ARHGAP35: variants seen among roughly 807,000 people sequenced by gnomAD.
ARHGAP35 encodes the protein rho GTPase-activating protein 35.
ARHGAP35 carries 15 observed loss-of-function variants against 111.1 expected under a neutral mutation model. The observed-to-expected ratio is 0.13, with a 90% CI of 0.09 to 0.21. ARHGAP35 has a LOEUF of 0.21. Ranked by LOEUF, ARHGAP35 falls within the 10% of genes least tolerant of loss-of-function variation. ARHGAP35 has a pLI of 1.00. For missense variants in ARHGAP35, 1,262 were observed against 1,873.0 expected (o/e 0.67, Z 6.02); for synonymous variants, 643 against 710.3 (o/e 0.91, Z 1.51).
At chr19:46,865,469 T>C (rs1016155259) in intron 1 of ARHGAP35, among the ~76,000 whole-genome samples, 3 of 152,162 alleles carry the variant, frequency 2.0e-5, no homozygotes, top group Admixed American at 1.3e-4. Flanking sequence ...CTCATTCTTA[T>C]TGATCCAGAA....
At chr19:46,946,962 G>A (rs2056383582) in intron 3 of ARHGAP35, 1 of 152,210 alleles carries the variant, frequency 6.6e-6, no homozygotes, top group Non-Finnish European at 1.5e-5. Flanking sequence ...TTAGGAGACT[G>A]TAATGTAAAT....
At chr19:46,887,977 A>G (rs2056000834) in intron 1 of ARHGAP35, among the ~76,000 whole-genome samples, 1 of 143,076 alleles carries the variant, frequency 7.0e-6, no homozygotes, top group East Asian at 2.1e-4. Context: ...TCTGAGACGG[A>G]GTCTTGCTCT....
At chr19:46,876,848 A>G (rs988732350) in intron 1 of ARHGAP35, among the ~76,000 whole-genome samples, 1 of 152,228 alleles carries the variant, frequency 6.6e-6, no homozygotes, top group Non-Finnish European at 1.5e-5. Flanking sequence ...GAAAATAAAT[A>G]CAGGCATAAC....
In ARHGAP35 at chr19:47,000,032, G is replaced by T. The variant is rs894546654; in HGVS notation, c.4143-299G>T. Among the ~76,000 whole-genome samples, 29 of 152,270 alleles carry T rather than the reference G, an allele frequency of 1.9e-4. No individual in the cohort carries two copies. The highest frequency in any genetic ancestry group is 6.7e-4 in the African/African-American group (28 of 41,568). Reference sequence around the variant, plus strand: ...CCTCCCTCGTCACAGCCGGAGCACCGCCACTGCTTTGGCTGGCTGCAGAGT... The same window carrying T: ...CCTCCCTCGTCACAGCCGGAGCACCTCCACTGCTTTGGCTGGCTGCAGAGT... On this transcript the variant is annotated intron_variant, in intron 6 of 6. Coordinates refer to ENST00000672722, the MANE Select transcript of ARHGAP35 (RefSeq NM_004491.5). The surrounding 1 kb of genome is among the most constrained non-coding windows in gnomAD (Gnocchi z 6.9).
Position 46,930,465 on chromosome 19 carries a change from G to GA in ARHGAP35, c.3682-6784dup, listed in dbSNP as rs34807261. Among the ~76,000 whole-genome samples, 731 of 93,240 alleles carry GA rather than the reference G, an allele frequency of 7.8e-3. 3 individuals are homozygous for GA. The highest frequency in any genetic ancestry group is 0.013 in the African/African-American group (331 of 24,754). The allele number at this position is 93,240 out of a possible 152,430, so 61.2% of individuals were successfully genotyped here. ...ACTAGGGCTGGTGTCCAGGCACTTT[G>GA]AAAAAAAAAAAAAAAGACAAAAAAA... On this transcript the variant is annotated intron_variant, in intron 2 of 6. Coordinates refer to ENST00000672722, the MANE Select transcript of ARHGAP35 (RefSeq NM_004491.5).
intron 3 of ARHGAP35, among the ~76,000 whole-genome samples, chr19:46,954,352 G>C (rs1223991542): frequency 1.3e-5 from 2 of 152,322 alleles, no homozygotes; most frequent in African/African-American, 4.8e-5. Flanking sequence ...ATGGGACCTG[G>C]CTCTCCAGAG....
Position 46,969,548 on chromosome 19 carries a change from C to T in ARHGAP35, c.3827-18441C>T, listed in dbSNP as rs573124520. ...CTCAGGAGCAACCAGGGATGGGAGA[C>T]AGCACTAGTGTCTTCGGTGAACGTC... On this transcript the variant is annotated intron_variant, in intron 3 of 6. Coordinates refer to ENST00000672722, the MANE Select transcript of ARHGAP35 (RefSeq NM_004491.5). 1.5e-3 allele frequency among the ~76,000 whole-genome samples: 223 copies of T among 152,278 alleles called. 1 individual carries two copies. Among genetic ancestry groups the T allele is most frequent in the African/African-American group, 5.1e-3 (211 of 41,562 alleles).
intron 1 of ARHGAP35, among the ~76,000 whole-genome samples, chr19:46,877,231 A>G (rs2055928968): frequency 7.9e-6 from 1 of 127,060 alleles, no homozygotes. Flanking sequence ...CAGCCTGGGT[A>G]GCGAGTAAAA....
intron 2 of ARHGAP35, among the ~76,000 whole-genome samples, chr19:46,923,941 GA>G (rs950089518): frequency 9.3e-5 from 14 of 150,426 alleles, no homozygotes; most frequent in African/African-American, 3.4e-4. Flanking sequence ...AAGGAAAAAG[GA>G]AAAAAAATGT....
At chr19:46,941,439 G>A (rs2056346512) in intron 3 of ARHGAP35, among the ~76,000 whole-genome samples, 2 of 151,868 alleles carry the variant, frequency 1.3e-5, no homozygotes, top group Admixed American at 1.3e-4. Context: ...ATGGTGGCAC[G>A]CATCTGTGGT....
At chr19:46,972,663 T>C (rs571713539) in intron 3 of ARHGAP35, among the ~76,000 whole-genome samples, 4 of 152,200 alleles carry the variant, frequency 2.6e-5, no homozygotes, top group African/African-American at 9.6e-5. Flanking sequence ...CTTGCACATA[T>C]TAAAAGAGAT....
intron 3 of ARHGAP35, among the ~76,000 whole-genome samples, chr19:46,967,234 GGAA>G (rs2056520780): frequency 6.6e-6 from 1 of 152,006 alleles, no homozygotes; most frequent in Non-Finnish European, 1.5e-5. Flanking sequence ...GATTTCATTT[GGAA>G]GAAGGATTTT....
chr19:46,864,013 T>A (rs916197715), intron 1 of ARHGAP35, among the ~76,000 whole-genome samples: 2 of 152,236 alleles, frequency 1.3e-5, no homozygotes, highest in Non-Finnish European at 2.9e-5. Flanking sequence ...AGGCACTCCC[T>A]GCCACAGGAG....
chr19:46,863,940 T>G (rs1249322070), intron 1 of ARHGAP35, among the ~76,000 whole-genome samples: 1 of 152,208 alleles, frequency 6.6e-6, no homozygotes, highest in Non-Finnish European at 1.5e-5. Context: ...GAAAGCACTT[T>G]GCGGTTGTTT....
At chr19:46,991,018 G>A (rs1280265069) in intron 5 of ARHGAP35, among the ~76,000 whole-genome samples, 4 of 152,186 alleles carry the variant, frequency 2.6e-5, no homozygotes, top group Admixed American at 2.6e-4. Context: ...GGTACTCCTG[G>A]GAGGGTCATA....
chr19:46,877,916 C>G (rs58291446), intron 1 of ARHGAP35, among the ~76,000 whole-genome samples: 1,797 of 152,216 alleles, frequency 0.012, 43 homozygotes, highest in African/African-American at 0.041. Flanking sequence ...TCATGTTGGC[C>G]AAGCTGGTCT....
At chr19:46,877,864 G>A (rs1164445232) in intron 1 of ARHGAP35, among the ~76,000 whole-genome samples, 1 of 151,512 alleles carries the variant, frequency 6.6e-6, no homozygotes, top group East Asian at 1.9e-4. Context: ...CTGCCACCGC[G>A]CCTGGCTAAT....
chr19:46,956,956 CTTTT>C lies in ARHGAP35; in HGVS notation c.3826+19566_3826+19569del, dbSNP rs11449203. ...TATCATTAGCTGTTCTTAAAGCAGA[CTTTT>C]TTTTTTTTTTTTTTTTTGAGACGGA... On this transcript the variant is annotated intron_variant, in intron 3 of 6. Coordinates refer to ENST00000672722, the MANE Select transcript of ARHGAP35 (RefSeq NM_004491.5). Among the ~76,000 whole-genome samples the C allele has an allele frequency of 7.3e-3, 784 of 107,562 alleles. 1 individual carries two copies. The highest frequency in any genetic ancestry group is 0.028 in the Middle Eastern group (4 of 142). 70.6% of individuals were successfully genotyped at this position (107,562 alleles called of 152,430 possible).
intron 2 of ARHGAP35, among the ~76,000 whole-genome samples, chr19:46,934,732 C>T (rs1415303297): frequency 6.6e-5 from 10 of 152,094 alleles, no homozygotes; most frequent in African/African-American, 1.4e-4. Context: ...TGCAGTGGCA[C>T]GATCTCAGCT....
Sources: gnomAD v4.1 joint callset for allele counts (sites outside exome capture counted in the v4.1 genomes callset) on GRCh38, gnomAD v4.1.1 for gene constraint, Gnocchi (gnomAD v3.1) non-coding constraint, MANE v1.5 for transcripts, NCBI Gene and HGNC (gene_info 2026-07-23, HGNC 2026-07-21) for gene names.